MARF1: variants seen among roughly 807,000 people sequenced by gnomAD.
MARF1 encodes meiosis regulator and mRNA stability factor 1.
A neutral mutation model predicts 168.2 loss-of-function variants in MARF1; 24 were observed. The ratio of observed to expected loss-of-function variants is 0.14; its 90% CI spans 0.10 to 0.20. The LOEUF (loss-of-function observed/expected upper bound fraction) is 0.20. MARF1 is among the 10% of genes least tolerant of loss of function. The pLI is 1.00. For missense variants in MARF1, 1,744 were observed against 2,143.6 expected (o/e 0.81, Z 3.68); for synonymous variants, 868 against 822.4 (o/e 1.06, Z -0.95).
Position 15,616,080 on chromosome 16 carries a change from A to G in MARF1, c.3078-75T>C, listed in dbSNP as rs1020545883. 5.6e-6 allele frequency: 7 copies of G among 1,251,958 alleles called. No individual in the cohort carries two copies. In the Admixed American group the frequency reaches 1.4e-4, roughly 25 times the overall value. 77.6% of individuals were successfully genotyped at this position (1,251,958 alleles called of 1,614,324 possible). On this transcript the variant is annotated intron_variant, in intron 15 of 26. Coordinates refer to ENST00000396368, the MANE Select transcript of MARF1 (RefSeq NM_014647.4). Reference sequence around the variant, plus strand: ...AGAAAAGGAGGCGCTTGCTAAACAGAAGGCTTTGGTTTAATGTATGTGTTA... The same window carrying G: ...AGAAAAGGAGGCGCTTGCTAAACAGGAGGCTTTGGTTTAATGTATGTGTTA...
At chr16:15,599,235 T>C (rs368868150) in intron 25 of MARF1, 17 of 589,328 alleles carry the variant, frequency 2.9e-5, no homozygotes, top group African/African-American at 2.8e-4. Context: ...AATAAGCTAG[T>C]TCTTCTGAAG....
chr16:15,625,072 T>C lies in MARF1; in HGVS notation c.2055A>G (p.Ala685=). ...VVPTHGNSSA[A]VSTPKNSGVA... ...CCCCCGAGTTTTTCGGCGTCGACAC[T>C]GCAGCACTTGAGTTACCGTGAGTGG... The change falls in exon 9 of 27, where the codon GCA becomes GCG. Residue 685 remains alanine, a synonymous_variant. Transcript: ENST00000396368. The C allele has an allele frequency of 6.2e-7, 1 of 1,614,236 alleles. No individual in the cohort carries two copies. The highest frequency in any genetic ancestry group is 8.5e-7 in the Non-Finnish European group (1 of 1,180,042).
At chr16:15,627,725 TAAC>T (rs2034970236) in intron 7 of MARF1, among the ~76,000 whole-genome samples, 1 of 152,124 alleles carries the variant, frequency 6.6e-6, no homozygotes, top group East Asian at 1.9e-4. Flanking sequence ...GAGAAATCAC[TAAC>T]AACAGGCAAA....
chr16:15,639,566 A>T (rs923145888), intron 1 of MARF1, among the ~76,000 whole-genome samples: 3 of 152,098 alleles, frequency 2.0e-5, no homozygotes, highest in Non-Finnish European at 2.9e-5. Context: ...ATGCCTGGCT[A>T]ATTTTTATAT....
chr16:15,632,424 G>A (rs941010248), intron 5 of MARF1, among the ~76,000 whole-genome samples: 22 of 152,128 alleles, frequency 1.4e-4, no homozygotes, highest in African/African-American at 4.1e-4. Context: ...TTTAGTTTCC[G>A]TCCCTACTAA....
At chr16:15,640,623 G>A (rs569559543) in intron 1 of MARF1, among the ~76,000 whole-genome samples, 3 of 152,308 alleles carry the variant, frequency 2.0e-5, no homozygotes, top group South Asian at 4.1e-4. Flanking sequence ...CTAAGACTGC[G>A]TAGTCAAGGC....
chr16:15,625,614 C>T lies in MARF1; in HGVS notation c.1711G>A (p.Glu571Lys). Residue 571 changes from glutamate (E) to lysine (K), a missense_variant, in exon 8 of 27, where the codon GAA becomes AAA. Around this residue, in one of 7 missense-constraint regions of MARF1, gnomAD observed 217 missense variants for 372.4 expected, o/e 0.58. Coordinates refer to ENST00000396368, the MANE Select transcript of MARF1 (RefSeq NM_014647.4). ...AERAQKRMENEDVFGNRIIVS... is the reference protein window; with the variant it reads ...AERAQKRMENKDVFGNRIIVS... The stretch of plus-strand genomic sequence containing the variant: ...ATGATCCTATTACCAAAGACATCTT[C>T]GTTTTCCATTCGCTTCTGAGCGCGC... The T allele has an allele frequency of 6.2e-7, 1 of 1,614,210 alleles. No homozygotes were observed. Among genetic ancestry groups the T allele is most frequent in the Non-Finnish European group, 8.5e-7 (1 of 1,180,034 alleles).
At chr16:15,641,167 T>A (rs1450260797) in intron 1 of MARF1, among the ~76,000 whole-genome samples, 1 of 152,060 alleles carries the variant, frequency 6.6e-6, no homozygotes, top group Non-Finnish European at 1.5e-5. Flanking sequence ...CGCCACTGCA[T>A]TACAGAGAAA....
chr16:15,619,037 A>G (rs1596472918), intron 13 of MARF1, among the ~76,000 whole-genome samples: 2 of 152,298 alleles, frequency 1.3e-5, no homozygotes, highest in African/African-American at 4.8e-5. Context: ...GCACTTTGGG[A>G]GGCCTAGGAG....
At chr16:15,612,432 G>C (rs2033653354) in intron 17 of MARF1, 125 bp downstream of exon 17, 1 of 827,250 alleles carries the variant, frequency 1.2e-6, no homozygotes, top group Non-Finnish European at 2.0e-6. Context: ...TCTGAAGAAA[G>C]TTTTTAGTGG....
rs1032619830 is a variant in MARF1 at position 15,617,669 on chromosome 16, T to C, written c.2721-134A>G. 12 of 660,020 alleles carry C rather than the reference T, an allele frequency of 1.8e-5. No individual in the cohort carries two copies. In the Admixed American group the frequency reaches 3.0e-4, roughly 16 times the overall value. 40.9% of individuals were successfully genotyped at this position (660,020 alleles called of 1,614,324 possible). On this transcript the variant is annotated intron_variant, in intron 13 of 26. Transcript: ENST00000396368. ...TCTTCAAAGGTAAAACTGGAATAATTCTACTACAAATTCATTCACTAGCAA... is the reference window on the plus strand; with the variant it reads ...TCTTCAAAGGTAAAACTGGAATAATCCTACTACAAATTCATTCACTAGCAA...
chr16:15,599,126 T>TA (rs1386246549), intron 25 of MARF1, 102 bp from the exon 26 acceptor site: 6 of 645,256 alleles, frequency 9.3e-6, no homozygotes, highest in Non-Finnish European at 1.5e-5. Flanking sequence ...GCCTTAAAGA[T>TA]AAGAGAGTCA....
chr16:15,638,908 AAG>A (rs1176017914), intron 2 of MARF1, among the ~76,000 whole-genome samples, 180 bp downstream of exon 2: 1 of 152,222 alleles, frequency 6.6e-6, no homozygotes, highest in Non-Finnish European at 1.5e-5. Context: ...AGTGAAATAG[AAG>A]AGTTAAAAAA....
rs115113324 is a variant in MARF1, at chr16:15,622,254, A to G, written c.2461-343T>C. On this transcript the variant is annotated intron_variant, in intron 11 of 26. Transcript: ENST00000396368. ...GAATCTACTAAAAAGGTGCATTTTT[A>G]GCAAAATTGCACCTAAAAAATGAGT... 4.6e-3 allele frequency among the ~76,000 whole-genome samples: 693 copies of G among 152,292 alleles called. 2 individuals are homozygous for G. The highest frequency in any genetic ancestry group is 0.014 in the African/African-American group (593 of 41,550).
In MARF1 at chr16:15,635,810, C is replaced by G. The variant is rs778360959; in HGVS notation, c.677G>C (p.Cys226Ser). Reference sequence around the variant, plus strand: ...TGGAGCCCCGCTTGTGAAATCAGAACAGGGGAAATAGCCAGCGGAGGTGCA... The same window carrying G: ...TGGAGCCCCGCTTGTGAAATCAGAAGAGGGGAAATAGCCAGCGGAGGTGCA... ...QGCTSAGYFP[C>S]SDFTSGAPGH... The change falls in exon 3 of 27, where the codon TGT becomes TCT. Residue 226 changes from cysteine to serine, a missense_variant. Physicochemically the swap from Cys to Ser is moderately radical, Grantham distance 112. Around this residue, in one of 7 missense-constraint regions of MARF1, gnomAD observed 318 missense variants for 336.6 expected, o/e 0.94. Transcript: ENST00000396368. The G allele has an allele frequency of 1.9e-6, 3 of 1,614,058 alleles. No individual in the cohort carries two copies. In the African/African-American group the frequency reaches 4.0e-5, roughly 22 times the overall value.
chr16:15,606,381 A>G (rs2033016253), intron 21 of MARF1, among the ~76,000 whole-genome samples: 1 of 152,032 alleles, frequency 6.6e-6, no homozygotes. Context: ...ACACCTGCAT[A>G]GCCACACCCC....
intron 18 of MARF1, 64 bp from the exon 19 acceptor site, chr16:15,611,172 T>C: frequency 6.5e-7 from 1 of 1,548,244 alleles, no homozygotes; most frequent in South Asian, 1.1e-5. Context: ...AACTACAAGT[T>C]TTCCGGCCGG....
chr16:15,634,108 A>T (rs2035428825), intron 4 of MARF1, among the ~76,000 whole-genome samples: 1 of 152,162 alleles, frequency 6.6e-6, no homozygotes, highest in Admixed American at 6.5e-5. Flanking sequence ...TCCACCTCCA[A>T]GCATGAGCCA....
At position 15,636,244 on chromosome 16, in the gene MARF1, A is replaced by C. The variant is rs2035590743; in HGVS notation, c.243T>G (p.Pro81=). ...GSKLFPAVPL[P]DIRSLQQPKI... ...TAGGCTGCTGAAGAGAACGAATATC[A>C]GGAAGTGGGACTGCTGGAAAAAGCT... Residue 81 remains proline, a synonymous_variant, in exon 3 of 27, where the codon CCT becomes CCG. Coordinates refer to ENST00000396368, the MANE Select transcript of MARF1 (RefSeq NM_014647.4). 6.2e-7 allele frequency: 1 copy of C among 1,614,030 alleles called. No individual in the cohort carries two copies. Among genetic ancestry groups the C allele is most frequent in the Non-Finnish European group, 8.5e-7 (1 of 1,179,990 alleles).
Sources: gnomAD v4.1 joint callset for allele counts (sites outside exome capture counted in the v4.1 genomes callset) on GRCh38, gnomAD v4.1.1 for gene constraint, gnomAD v4.1.1 regional missense constraint, MANE v1.5 for transcripts, NCBI Gene and HGNC (gene_info 2026-07-23, HGNC 2026-07-21) for gene names.